The following POM121 variants were observed in gnomAD, a reference collection of about 807,000 sequenced individuals.
POM121 encodes the protein POM121 transmembrane nucleoporin, also known as nuclear envelope pore membrane protein POM 121.
In POM121, 32 loss-of-function variants were observed where a neutral mutation model predicts 81.3. The observed-to-expected ratio is 0.39, with a 90% CI of 0.30 to 0.53. The LOEUF is 0.53. POM121 is among the 20% of genes least tolerant of loss of function. The probability of loss-of-function intolerance (pLI) is 0.66; values close to 1 mark genes in which losing one functional copy is unlikely to be tolerated. For missense variants in POM121, 1,138 were observed against 1,614.6 expected (o/e 0.70, Z 5.06); for synonymous variants, 514 against 694.2 (o/e 0.74, Z 4.08).
chr7:72,900,184 T>C (rs1237904889), intron 3 of POM121, among the ~76,000 whole-genome samples: 1 of 152,220 alleles, frequency 6.6e-6, no homozygotes, highest in Non-Finnish European at 1.5e-5. Context: ...TGCTCTGTCA[T>C]TGACTGTCAT....
intron 1 of POM121, among the ~76,000 whole-genome samples, chr7:72,882,024 G>A (rs1245207009): frequency 1.3e-5 from 2 of 152,178 alleles, no homozygotes; most frequent in Admixed American, 1.3e-4. Flanking sequence ...GATTTGTGAA[G>A]CTTGTATGTA....
rs1554501847 is a variant in POM121 at position 72,942,847 on chromosome 7, T to C, written c.2854T>C (p.Phe952Leu). The change falls in exon 11 of 13, where the codon TTT becomes CTT. Residue 952 changes from phenylalanine (F) to leucine (L), a missense_variant. Physicochemically the swap from Phe to Leu is conservative, Grantham distance 22 (BLOSUM62 0). Around this residue, in one of 7 missense-constraint regions of POM121, gnomAD observed 45 missense variants for 75.7 expected, o/e 0.59. Transcript: ENST00000434423. The stretch of plus-strand genomic sequence containing the variant: ...GAGCACCCCCACGTTCAACATTCCC[T>C]TTGGCTCAAGCGCCAAGTCCCCGCT... Reference protein sequence around the residue: ...NTSTPTFNIPFGSSAKSPLPS... With the variant: ...NTSTPTFNIPLGSSAKSPLPS... The C allele has an allele frequency of 1.3e-6, 2 of 1,577,872 alleles. No homozygotes were observed. Among genetic ancestry groups the C allele is most frequent in the Non-Finnish European group, 1.7e-6 (2 of 1,163,834 alleles).
At chr7:72,941,146 C>T (rs1245449564) in intron 10 of POM121, among the ~76,000 whole-genome samples, 153 bp downstream of exon 10, 2 of 149,272 alleles carry the variant, frequency 1.3e-5, no homozygotes, top group African/African-American at 2.4e-5. Context: ...CGTTTAACAG[C>T]GCCAGAGCCC....
In POM121 at chr7:72,930,041, C is replaced by G; in HGVS notation, c.1205C>G (p.Ala402Gly). Reference sequence around the variant, plus strand: ...ATGAGCTCCTTGACAGGCGCTTACGCAAGTGGCATCCCTAGCTCCAGCCGC... The same window carrying G: ...ATGAGCTCCTTGACAGGCGCTTACGGAAGTGGCATCCCTAGCTCCAGCCGC... The part of the protein sequence containing the change: ...SSMSSLTGAY[A>G]SGIPSSSRNA... The change falls in exon 5 of 13, where the codon GCA becomes GGA. Residue 402 changes from alanine (A) to glycine (G), a missense_variant. Physicochemically the swap from Ala to Gly is moderately conservative, Grantham distance 60. Coordinates refer to ENST00000434423, the MANE Select transcript of POM121 (RefSeq NM_001387691.1). 1 of 1,614,020 alleles carries G rather than the reference C, an allele frequency of 6.2e-7. No individual in the cohort carries two copies.
At chr7:72,925,980 T>C (rs1439066576) in intron 1 of POM121, among the ~76,000 whole-genome samples, 2 of 152,154 alleles carry the variant, frequency 1.3e-5, no homozygotes, top group East Asian at 3.9e-4. Flanking sequence ...TCTTTCCAGT[T>C]CTAAAAACTC....
chr7:72,898,026 A>G lies in POM121; in HGVS notation c.-216+6916A>G, dbSNP rs567025485. Reference sequence around the variant, plus strand: ...AGAGCAAGACCCTGTCTAGGAAAAAAAGAAAGAAAGTAGACCCAAAAGATT... The same window carrying G: ...AGAGCAAGACCCTGTCTAGGAAAAAGAGAAAGAAAGTAGACCCAAAAGATT... On this transcript the variant is annotated intron_variant, in intron 3 of 15. Transcript: ENST00000395270. Among the ~76,000 whole-genome samples the G allele has an allele frequency of 2.0e-5, 3 of 152,290 alleles. No homozygotes were observed. In the East Asian group the frequency reaches 5.8e-4, roughly 29 times the overall value.
At chr7:72,917,255 C>T (rs1794371960) in intron 4 of POM121, among the ~76,000 whole-genome samples, 1 of 152,176 alleles carries the variant, frequency 6.6e-6, no homozygotes, top group Non-Finnish European at 1.5e-5. Context: ...TCCTTGAATA[C>T]TAGGAGCTAA....
chr7:72,926,421 T>C lies in POM121; in HGVS notation c.804T>C (p.Cys268=). The change falls in exon 2 of 13, where the codon TGT becomes TGC. Residue 268 remains cysteine (C), a synonymous_variant. Coordinates refer to ENST00000434423, the MANE Select transcript of POM121 (RefSeq NM_001387691.1). ...CCCCTCGCAACTCCAGGATGGTGTGTAGCCCAGTGACTGTGAGGATCGCCC... is the reference window on the plus strand; with the variant it reads ...CCCCTCGCAACTCCAGGATGGTGTGCAGCCCAGTGACTGTGAGGATCGCCC... The part of the protein sequence containing the change: ...VLSPRNSRMV[C]SPVTVRIAPP... 6.2e-7 allele frequency: 1 copy of C among 1,613,984 alleles called. No individual in the cohort carries two copies. Among genetic ancestry groups the C allele is most frequent in the Non-Finnish European group, 8.5e-7 (1 of 1,179,848 alleles).
intron 4 of POM121, among the ~76,000 whole-genome samples, chr7:72,917,965 C>T (rs1366997844): frequency 2.6e-5 from 4 of 152,136 alleles, no homozygotes; most frequent in African/African-American, 9.7e-5. Flanking sequence ...TGCCTGGCAG[C>T]CGAGTCAGAG....
intron 5 of POM121, among the ~76,000 whole-genome samples, chr7:72,934,180 G>A (rs1163589492): frequency 3.9e-5 from 6 of 151,940 alleles, no homozygotes; most frequent in Admixed American, 3.3e-4. Context: ...CACCTCCTGG[G>A]TTCAAGCAAT....
intron 3 of POM121, among the ~76,000 whole-genome samples, chr7:72,908,095 A>C (rs1793446298): frequency 1.3e-5 from 2 of 152,134 alleles, no homozygotes; most frequent in Non-Finnish European, 2.9e-5. Context: ...TTTTTTACTT[A>C]GTTATTGTAA....
intron 3 of POM121, among the ~76,000 whole-genome samples, chr7:72,906,284 G>A (rs1362765428): frequency 2.0e-5 from 3 of 152,200 alleles, no homozygotes; most frequent in Admixed American, 6.5e-5. Context: ...GCAAGCATCC[G>A]GGCTGGTCCT....
At chr7:72,880,632 TAA>T (rs1563127558) in intron 1 of POM121, among the ~76,000 whole-genome samples, 2 of 152,010 alleles carry the variant, frequency 1.3e-5, no homozygotes, top group Non-Finnish European at 2.9e-5. Flanking sequence ...CTCACACCTG[TAA>T]TCCGAGCACT....
At chr7:72,890,383 C>T (rs1385743340) in intron 1 of POM121, among the ~76,000 whole-genome samples, 1 of 152,098 alleles carries the variant, frequency 6.6e-6, no homozygotes, top group Admixed American at 6.5e-5. Flanking sequence ...TTTCACTCAT[C>T]TCATATCCCC....
At chr7:72,902,202 CAAA>C (rs1792727656) in intron 3 of POM121, among the ~76,000 whole-genome samples, 1 of 149,310 alleles carries the variant, frequency 6.7e-6, no homozygotes, top group African/African-American at 2.4e-5. Flanking sequence ...CAAATGAATT[CAAA>C]ATAGTCTGGT....
In POM121 at chr7:72,945,708, G is replaced by A. The variant is rs782356761; in HGVS notation, c.3652G>A (p.Gly1218Arg). 2.1e-5 allele frequency: 34 copies of A among 1,607,726 alleles called. No homozygotes were observed. The South Asian group carries it at 2.6e-4, about 12-fold the overall frequency. The part of the protein sequence containing the change: ...AQGFVGVAPF[G>R]SAALSFSIGA... Reference sequence around the variant, plus strand: ...AGGCTTTGTTGGTGTTGCACCTTTCGGTAAGCAGCAAGCCACCCTGTGGCC... The same window carrying A: ...AGGCTTTGTTGGTGTTGCACCTTTCAGTAAGCAGCAAGCCACCCTGTGGCC... Residue 1218 changes from glycine (G) to arginine (R), a missense_variant and splice_region_variant, in exon 12 of 13, where the codon GGA becomes AGA. Physicochemically the swap from Gly to Arg is moderately radical, Grantham distance 125. Around this residue, in one of 7 missense-constraint regions of POM121, gnomAD observed 336 missense variants for 344.3 expected, o/e 0.98. Transcript: ENST00000434423.
At chr7:72,899,921 G>T (rs1479038876) in intron 3 of POM121, among the ~76,000 whole-genome samples, 3 of 151,982 alleles carry the variant, frequency 2.0e-5, no homozygotes, top group South Asian at 2.1e-4. Flanking sequence ...AGATTTTTAT[G>T]ATTTTCTCTA....
intron 4 of POM121, among the ~76,000 whole-genome samples, chr7:72,917,600 C>T (rs1554495288): frequency 1.3e-5 from 2 of 152,192 alleles, no homozygotes; most frequent in East Asian, 3.8e-4. Context: ...CGAAATGCCA[C>T]AGACCATGTG....
At chr7:72,911,515 G>T (rs1554494270) in intron 3 of POM121, among the ~76,000 whole-genome samples, 1 of 152,200 alleles carries the variant, frequency 6.6e-6, no homozygotes. Context: ...CTCGCAACAG[G>T]CAGTAAAACC....
Sources: gnomAD v4.1 joint callset for allele counts (sites outside exome capture counted in the v4.1 genomes callset) on GRCh38, gnomAD v4.1.1 for gene constraint, gnomAD v4.1.1 regional missense constraint, MANE v1.5 for transcripts, NCBI Gene and HGNC (gene_info 2026-07-23, HGNC 2026-07-21) for gene names.